EHMT1: variants seen among roughly 807,000 people sequenced by gnomAD.
EHMT1 encodes histone-lysine N-methyltransferase EHMT1.
EHMT1 carries 15 observed loss-of-function variants against 147.2 expected under a neutral mutation model. That is an observed-to-expected ratio of 0.10 (90% confidence interval 0.07 to 0.16). The LOEUF (loss-of-function observed/expected upper bound fraction) is 0.16. Ranked by LOEUF, EHMT1 falls within the 10% of genes least tolerant of loss-of-function variation. EHMT1 has a pLI of 1.00. For missense variants in EHMT1, 1,587 were observed against 1,772.4 expected, an observed-to-expected ratio of 0.90 and a Z score of 1.88; for synonymous variants, 795 against 709.6, an observed-to-expected ratio of 1.12 and a Z score of -1.91.
intron 18 of EHMT1, 33 bp from the exon 19 acceptor site, chr9:137,811,428 G>T: frequency 6.2e-7 from 1 of 1,610,842 alleles, no homozygotes; most frequent in Non-Finnish European, 8.5e-7. Flanking sequence ...CCAGCAGGAA[G>T]CCTGCACTGA....
chr9:137,729,534 C>T (rs977462529), intron 4 of EHMT1, among the ~76,000 whole-genome samples: 2 of 151,750 alleles, frequency 1.3e-5, no homozygotes, highest in Non-Finnish European at 2.9e-5. Flanking sequence ...TTGCTGTGAG[C>T]CAACATCATG....
At chr9:137,725,940 A>C (rs888061528) in intron 3 of EHMT1, among the ~76,000 whole-genome samples, 2 of 152,024 alleles carry the variant, frequency 1.3e-5, no homozygotes, top group African/African-American at 4.8e-5. Flanking sequence ...CCTCACCTGT[A>C]ACCTCCACAA....
chr9:137,728,629 C>G, intron 4 of EHMT1, 100 bp downstream of exon 4: 1 of 1,520,164 alleles, frequency 6.6e-7, no homozygotes, highest in African/African-American at 1.4e-5. Context: ...GCCTGTGCTG[C>G]TCTTGATGAA....
intron 16 of EHMT1, among the ~76,000 whole-genome samples, chr9:137,796,661 A>G (rs932516075): frequency 1.5e-5 from 2 of 136,540 alleles, no homozygotes; most frequent in East Asian, 2.2e-4. Context: ...CTGAGATCGC[A>G]CCGCTGCACT....
intron 16 of EHMT1, chr9:137,792,045 T>G (rs929181587): frequency 4.3e-6 from 2 of 465,072 alleles, no homozygotes; most frequent in Non-Finnish European, 8.9e-6. Flanking sequence ...AACAGCTTTT[T>G]TTTTTACAGA....
chr9:137,630,891 G>C (rs1411807275), intron 1 of EHMT1, among the ~76,000 whole-genome samples: 2 of 152,084 alleles, frequency 1.3e-5, no homozygotes, highest in African/African-American at 4.8e-5. Context: ...TAACAAGTTG[G>C]GAAGTTTCAT....
intron 18 of EHMT1, 142 bp from the exon 19 acceptor site, chr9:137,811,319 C>T: frequency 8.7e-7 from 1 of 1,150,374 alleles, no homozygotes; most frequent in Non-Finnish European, 1.3e-6. Flanking sequence ...CTGTGGCACC[C>T]TTTCCACCTG....
chr9:137,641,093 G>T, intron 1 of EHMT1: 1 of 270,350 alleles, frequency 3.7e-6, no homozygotes, highest in South Asian at 4.0e-5. Context: ...ATCCATATTG[G>T]GAACCAAGGA....
intron 1 of EHMT1, among the ~76,000 whole-genome samples, chr9:137,644,706 G>A (rs1038788298): frequency 1.1e-4 from 17 of 152,150 alleles, no homozygotes; most frequent in African/African-American, 3.1e-4. Flanking sequence ...TACAGAAACA[G>A]GTGGCAGTCT....
intron 1 of EHMT1, among the ~76,000 whole-genome samples, chr9:137,635,631 T>C (rs771128159): frequency 2.4e-4 from 36 of 151,132 alleles, no homozygotes; most frequent in South Asian, 6.3e-4. Context: ...CCATCCTGGC[T>C]AACATGGTGA....
intron 13 of EHMT1, among the ~76,000 whole-genome samples, chr9:137,779,078 C>T (rs1951178063): frequency 6.6e-6 from 1 of 152,212 alleles, no homozygotes; most frequent in South Asian, 2.1e-4. Context: ...CCAGGTCTCA[C>T]CTCCAACACT....
At chr9:137,808,396 CAG>C (rs760327016) in intron 18 of EHMT1, among the ~76,000 whole-genome samples, 1 of 152,166 alleles carries the variant, frequency 6.6e-6, no homozygotes, top group Non-Finnish European at 1.5e-5. Flanking sequence ...ACTCGCCTCT[CAG>C]GGGCACGGTC....
Position 137,791,999 on chromosome 9 carries a change from C to G in EHMT1, c.2505+1029C>G, listed in dbSNP as rs1310114071. The G allele has an allele frequency of 8.9e-6, 4 of 449,970 alleles. No homozygotes were observed. The East Asian group carries it at 2.8e-4, about 32-fold the overall frequency. 27.9% of individuals were successfully genotyped at this position (449,970 alleles called of 1,614,324 possible). ...CCGCCCGCCTCAGCCTCCCATGGTGCTGGGATTATGAGCATGAGCCACCAT... is the reference window on the plus strand; with the variant it reads ...CCGCCCGCCTCAGCCTCCCATGGTGGTGGGATTATGAGCATGAGCCACCAT... On this transcript the variant is annotated intron_variant, in intron 16 of 26. Transcript: ENST00000460843.
chr9:137,694,408 C>G (rs1306707239), intron 1 of EHMT1, among the ~76,000 whole-genome samples: 1 of 151,922 alleles, frequency 6.6e-6, no homozygotes, highest in Non-Finnish European at 1.5e-5. Flanking sequence ...GCACAGGACA[C>G]TGGCCGATAC....
chr9:137,634,868 A>ATTTTTTTTTTTTTT (rs781056803), intron 1 of EHMT1, among the ~76,000 whole-genome samples: 17 of 92,102 alleles, frequency 1.8e-4, no homozygotes, highest in Non-Finnish European at 2.8e-4. Flanking sequence ...TGCCCAGCTA[A>ATTTTTTTTTTTTTT]TTTTTTTTTT....
At chr9:137,641,211 C>T (rs1318165984) in intron 1 of EHMT1, 1 of 419,024 alleles carries the variant, frequency 2.4e-6, no homozygotes, top group Non-Finnish European at 4.7e-6. Context: ...TCTGGTTCCT[C>T]AGGATGCCTC....
At chr9:137,789,238 C>G (rs1952297609) in intron 15 of EHMT1, 2 of 152,508 alleles carry the variant, frequency 1.3e-5, no homozygotes, top group Admixed American at 1.3e-4. Context: ...CGCCCGAAGC[C>G]GTCAGCCCCT....
intron 4 of EHMT1, among the ~76,000 whole-genome samples, chr9:137,740,811 A>T (rs1005590459): frequency 6.6e-6 from 1 of 151,946 alleles, no homozygotes; most frequent in South Asian, 2.1e-4. Flanking sequence ...TTATTTTATT[A>T]TTATTTTTTG....
At chr9:137,682,726 A>G (rs2501556) in intron 1 of EHMT1, among the ~76,000 whole-genome samples, 82,576 of 152,130 alleles carry the variant, frequency 0.54, 23,941 homozygotes, top group African/African-American at 0.74. Context: ...CCCTGGGGTC[A>G]TATCCAACCC....
Sources: gnomAD v4.1 joint callset for allele counts (sites outside exome capture counted in the v4.1 genomes callset) on GRCh38, gnomAD v4.1.1 for gene constraint, MANE v1.5 for transcripts, NCBI Gene and HGNC (gene_info 2026-07-23, HGNC 2026-07-21) for gene names.